COMMD5: variants seen among roughly 807,000 people sequenced by gnomAD.
The protein encoded by COMMD5 is COMM domain-containing protein 5.
COMMD5 carries 10 observed loss-of-function variants against 6.9 expected under a neutral mutation model. That is an observed-to-expected ratio of 1.44 (90% CI 0.89 to 2.45). COMMD5 has a LOEUF of 2.45. Among genes scored for constraint, COMMD5 ranks in the 30% most tolerant of loss-of-function variants. COMMD5 has a pLI of 0.00. For missense variants in COMMD5, 234 were observed against 287.8 expected, an observed-to-expected ratio of 0.81 and a Z score of 1.35; for synonymous variants, 127 against 125.3, an observed-to-expected ratio of 1.01 and a Z score of -0.09.
chr8:144,839,116 C>T (rs1371461224), downstream of COMMD5, among the ~76,000 whole-genome samples: 1 of 6,342 alleles, frequency 1.6e-4, no homozygotes, highest in Admixed American at 1.8e-3. Context: ...GGGGCTGTGA[C>T]CTTACTTCCA....
At chr8:144,851,994 C>T (rs1157224183) in intron 1 of COMMD5, among the ~76,000 whole-genome samples, 1 of 151,948 alleles carries the variant, frequency 6.6e-6, no homozygotes, top group Non-Finnish European at 1.5e-5. Flanking sequence ...AAAAAACTAG[C>T]CAGGCGTGGT....
rs1730628466 is a variant in COMMD5, at chr8:144,850,587, G to A, written c.*77C>T. On this transcript the variant is annotated 3_prime_UTR_variant, in exon 2 of 2. Transcript: ENST00000305103. The surrounding 1 kb of genome is among the most constrained non-coding windows in gnomAD (Gnocchi z 4.0). ...CATGGGAAGGGCAGGGCTGTCGTGGGAAGAGTCAGCTGCACTTTGGCACCA... is the reference window on the plus strand; with the variant it reads ...CATGGGAAGGGCAGGGCTGTCGTGGAAAGAGTCAGCTGCACTTTGGCACCA... 2.7e-6 allele frequency: 4 copies of A among 1,494,900 alleles called. No individual in the cohort carries two copies. The highest frequency in any genetic ancestry group is 3.8e-5 in the Admixed American group (2 of 52,094). The allele number at this position is 1,494,900 out of a possible 1,614,324, so 92.6% of individuals were successfully genotyped here.
chr8:144,851,424 G>C (rs992399193), intron 1 of COMMD5, 29 bp from the exon 2 acceptor site: 43 of 1,444,980 alleles, frequency 3.0e-5, no homozygotes, highest in Middle Eastern at 1.8e-4. Flanking sequence ...GAGAAGACCA[G>C]TGACTCTCAC....
chr8:144,848,695 G>A (rs1044057734), downstream of COMMD5, among the ~76,000 whole-genome samples: 1 of 152,152 alleles, frequency 6.6e-6, no homozygotes, highest in Non-Finnish European at 1.5e-5. Context: ...TCTGCTCCAC[G>A]CTGTAGGGAT....
At position 144,842,105 on chromosome 8, in the gene COMMD5, C is replaced by T. The variant is rs370671853; in HGVS notation, c.*117-362G>A. On this transcript the variant is annotated intron_variant and NMD_transcript_variant, in intron 1 of 1. Transcript: ENST00000530332. ...CAGAGAATCCACACAGGAGAGAGGC[C>T]CTATGGTTGTCGTGAGTGTGGGAAA... 2.6e-5 allele frequency: 42 copies of T among 1,614,022 alleles called. 1 individual carries two copies. Among genetic ancestry groups the T allele is most frequent in the Non-Finnish European group, 5.9e-6 (7 of 1,180,034 alleles).
In COMMD5 at chr8:144,851,249, A is replaced by G. The variant is rs1315449091; in HGVS notation, c.90T>C (p.Pro30=). Residue 30 remains proline (P), a synonymous_variant, in exon 2 of 2, where the codon CCT becomes CCC. Transcript: ENST00000305103. ...GRVSFLGAQL[P]PEVAAMARLL... ...GCCGGGCCATTGCTGCCACCTCTGG[A>G]GGAAGCTGGGCCCCCAAGAAACTCA... 6.2e-7 allele frequency: 1 copy of G among 1,614,020 alleles called. No individual in the cohort carries two copies. The highest frequency in any genetic ancestry group is 1.1e-5 in the South Asian group (1 of 91,078).
chr8:144,848,493 C>T (rs1021002692), downstream of COMMD5, among the ~76,000 whole-genome samples: 42 of 131,444 alleles, frequency 3.2e-4, no homozygotes, highest in African/African-American at 1.0e-3. Context: ...GTGAAACTCC[C>T]GTCTCAAAAA....
At chr8:144,845,083 A>G (rs749886305) in intron 1 of COMMD5, among the ~76,000 whole-genome samples, 5 of 152,224 alleles carry the variant, frequency 3.3e-5, no homozygotes, top group Non-Finnish European at 7.3e-5. Context: ...GGGAGGCCAC[A>G]CAGGTCTGGA....
chr8:144,841,239 TCA>T, exon 2 of COMMD5: 1 of 1,067,320 alleles, frequency 9.4e-7, no homozygotes, highest in Non-Finnish European at 1.3e-6. Flanking sequence ...ACCTGGGGCC[TCA>T]CAGTGCTCAG....
At chr8:144,849,398 G>A (rs1358605636), downstream of COMMD5, among the ~76,000 whole-genome samples, 2 of 152,094 alleles carry the variant, frequency 1.3e-5, no homozygotes, top group African/African-American at 4.8e-5. Flanking sequence ...CCACCCCCAG[G>A]TACTCCTCTG....
chr8:144,842,986 G>GT, intron 1 of COMMD5: 1 of 1,614,208 alleles, frequency 6.2e-7, no homozygotes, highest in Non-Finnish European at 8.5e-7. Context: ...CCGTAAAAAG[G>GT]TTAATACTAT....
rs1462348686 is a variant in COMMD5, at chr8:144,851,095, G to A, written c.244C>T (p.Leu82=). 6.2e-7 allele frequency: 1 copy of A among 1,612,006 alleles called. No homozygotes were observed. Among genetic ancestry groups the A allele is most frequent in the Non-Finnish European group, 8.5e-7 (1 of 1,179,466 alleles). Residue 82 remains leucine (L), a synonymous_variant, in exon 2 of 2, where the codon CTG becomes TTG. Coordinates refer to ENST00000305103, the MANE Select transcript of COMMD5 (RefSeq NM_014066.4). Reference sequence around the variant, plus strand: ...TGCATGCCTGCCAGCAGGGCACCCAGCTGCTCCTCCGGCAGGTTGGCGCTG... The same window carrying A: ...TGCATGCCTGCCAGCAGGGCACCCAACTGCTCCTCCGGCAGGTTGGCGCTG... ...GVSANLPEEQ[L]GALLAGMHTL...
Position 144,851,344 on chromosome 8 carries a change from C to A in COMMD5, c.-6G>T, listed in dbSNP as rs113025285. 6 of 1,597,108 alleles carry A rather than the reference C, an allele frequency of 3.8e-6. No individual in the cohort carries two copies. The highest frequency in any genetic ancestry group is 5.1e-6 in the Non-Finnish European group (6 of 1,168,542). ...GCAGCCCCCACAGCAGACATTGCTG[C>A]TGCTTCCTCTTTGATCAGCCAGCCC... On this transcript the variant is annotated 5_prime_UTR_variant, in exon 2 of 2. Coordinates refer to ENST00000305103, the MANE Select transcript of COMMD5 (RefSeq NM_014066.4).
At chr8:144,840,523 G>A (rs1361379663), downstream of COMMD5, among the ~76,000 whole-genome samples, 1 of 152,190 alleles carries the variant, frequency 6.6e-6, no homozygotes, top group Non-Finnish European at 1.5e-5. Context: ...GCCGTGTGTT[G>A]TGGTTGCATC....
Position 144,851,381 on chromosome 8 carries a change from C to A in COMMD5, c.-43G>T. On this transcript the variant is annotated 5_prime_UTR_variant, in exon 2 of 2. Coordinates refer to ENST00000305103, the MANE Select transcript of COMMD5 (RefSeq NM_014066.4). Reference sequence around the variant, plus strand: ...TGATCAGCCAGCCCAGGAGGTCGGTCCCAGATGCAGATGCCTAGAGTGGGG... The same window carrying A: ...TGATCAGCCAGCCCAGGAGGTCGGTACCAGATGCAGATGCCTAGAGTGGGG... 6.4e-7 allele frequency: 1 copy of A among 1,567,760 alleles called. No individual in the cohort carries two copies. The highest frequency in any genetic ancestry group is 1.2e-5 in the South Asian group (1 of 83,744).
chr8:144,841,241 A>T, exon 2 of COMMD5: 3 of 1,085,552 alleles, frequency 2.8e-6, no homozygotes, highest in South Asian at 1.6e-5. Flanking sequence ...CTGGGGCCTC[A>T]CAGTGCTCAG....
At chr8:144,842,854 T>A in intron 1 of COMMD5, 1 of 1,614,146 alleles carries the variant, frequency 6.2e-7, no homozygotes. Context: ...GCCCTATGAG[T>A]GCAGTGAGTG....
rs372813427 is a variant in COMMD5 at position 144,841,691 on chromosome 8, C to T, written c.*169G>A. On this transcript the variant is annotated 3_prime_UTR_variant and NMD_transcript_variant, in exon 2 of 2. Transcript: ENST00000530332. ...CAGGGAGAGAGTGCGGAAGGGATGT[C>T]CCAGAGATGCGAGGAGTGTGGCAAA... 3 of 1,614,020 alleles carry T rather than the reference C, an allele frequency of 1.9e-6. No homozygotes were observed. In the African/African-American group the frequency reaches 4.0e-5, roughly 22 times the overall value.
At chr8:144,849,297 G>A (rs1460210035), downstream of COMMD5, among the ~76,000 whole-genome samples, 1 of 152,166 alleles carries the variant, frequency 6.6e-6, no homozygotes, top group East Asian at 1.9e-4. Context: ...ACTCAGTGAG[G>A]GTGGGACAAA....
Sources: allele counts gnomAD v4.1 joint callset (sites outside exome capture counted in the v4.1 genomes callset), GRCh38; gene constraint gnomAD v4.1.1; non-coding constraint Gnocchi (gnomAD v3.1); transcripts MANE v1.5; gene names NCBI Gene and HGNC (gene_info 2026-07-23, HGNC 2026-07-21).